TAOK2: variants seen among roughly 807,000 people sequenced by gnomAD.
The protein encoded by TAOK2 is TAO kinase 2.
TAOK2 carries 42 observed loss-of-function variants against 122.5 expected under a neutral mutation model. That is an observed-to-expected ratio of 0.34 (90% CI 0.27 to 0.44). TAOK2 has a LOEUF of 0.44. Among genes scored for constraint, TAOK2 ranks in the 20% least tolerant of loss-of-function variants. TAOK2 has a pLI of 1.00. For synonymous variants in TAOK2, 704 were observed against 677.6 expected (o/e 1.04, Z -0.61); for missense variants, 1,264 against 1,644.9 (o/e 0.77, Z 4.01).
downstream of TAOK2, chr16:29,989,119 G>A: frequency 2.0e-6 from 2 of 985,262 alleles, no homozygotes; most frequent in Non-Finnish European, 2.4e-6. Flanking sequence ...TTTCTTCATG[G>A]GTGTTTTGTG....
intron 1 of TAOK2, 132 bp from the exon 2 acceptor site, chr16:29,977,606 C>T (rs1033837408): frequency 2.3e-6 from 2 of 851,850 alleles, no homozygotes; most frequent in Non-Finnish European, 3.5e-6. Context: ...CCTAATCTCC[C>T]CCTCCCCTTC....
chr16:29,985,849 C>A lies in TAOK2; in HGVS notation c.1980C>A (p.Asp660Glu). Residue 660 changes from aspartate (D) to glutamate (E), a missense_variant, in exon 15 of 16, where the codon GAC becomes GAA. Asp to Glu is a conservative substitution (Grantham distance 45). Coordinates refer to ENST00000308893, the MANE Select transcript of TAOK2 (RefSeq NM_016151.4). The surrounding 1 kb of genome is among the most constrained non-coding windows in gnomAD (Gnocchi z 6.9). ...MLLARHSLDQ[D>E]LLREDLNKKQ... ...TGGCTCGGCACAGCCTGGACCAGGA[C>A]CTGCTGCGGGAGGTAGGCATCCCAA... is the stretch of plus-strand genomic sequence containing the variant. The A allele has an allele frequency of 6.2e-7, 1 of 1,611,482 alleles. No homozygotes were observed. The highest frequency in any genetic ancestry group is 8.5e-7 in the Non-Finnish European group (1 of 1,179,666).
chr16:29,991,315 C>G (rs369537567), downstream of TAOK2: 287 of 1,609,726 alleles, frequency 1.8e-4, no homozygotes, highest in Middle Eastern at 1.0e-3. The surrounding 1 kb of genome is among the most constrained non-coding windows in gnomAD (Gnocchi z 5.6). Context: ...CCCCCTCCAG[C>G]CTGGCGTCAG....
chr16:29,991,350 C>T, downstream of TAOK2: 1 of 1,595,730 alleles, frequency 6.3e-7, no homozygotes, highest in Non-Finnish European at 8.5e-7. This position sits in a 1 kb window ranked among gnomAD's most constrained non-coding sequence, Gnocchi z 5.6. Flanking sequence ...TCCCCCAGGC[C>T]CCCCAAACTG....
At chr16:29,990,860 A>G (rs543384289), downstream of TAOK2, 1 of 1,613,642 alleles carries the variant, frequency 6.2e-7, no homozygotes, top group Non-Finnish European at 8.5e-7. Context: ...GAGCTGCTCA[A>G]CGCTTACCAG....
downstream of TAOK2, chr16:29,988,933 C>T (rs1024668802): frequency 4.1e-6 from 4 of 985,204 alleles, no homozygotes; most frequent in African/African-American, 5.2e-5. Flanking sequence ...AGCTGCTGGC[C>T]GGTTGAACTT....
downstream of TAOK2, chr16:29,988,634 G>A (rs926237516): frequency 4.6e-5 from 45 of 985,332 alleles, no homozygotes; most frequent in Non-Finnish European, 5.4e-5. Context: ...GTCCCACAGA[G>A]CGCCTGTTTG....
chr16:29,974,955 C>T (rs897471409), intron 1 of TAOK2, among the ~76,000 whole-genome samples: 1 of 152,140 alleles, frequency 6.6e-6, no homozygotes, highest in Non-Finnish European at 1.5e-5. Flanking sequence ...CACTTTGCCC[C>T]TCACAGCCAC....
chr16:29,989,686 A>G, downstream of TAOK2: 1 of 1,614,096 alleles, frequency 6.2e-7, no homozygotes, highest in South Asian at 1.1e-5. Context: ...GCTGGAGACC[A>G]CGCCCAAAGC....
downstream of TAOK2, chr16:29,991,335 C>T (rs1156811385): frequency 3.7e-6 from 6 of 1,602,708 alleles, no homozygotes; most frequent in Non-Finnish European, 5.1e-6. This position sits in a 1 kb window ranked among gnomAD's most constrained non-coding sequence, Gnocchi z 5.6. Flanking sequence ...GCCGTCTCTG[C>T]TGGCTCCCCC....
rs567156599 is a variant in TAOK2, at chr16:29,981,788, G to A, written c.749+34G>A. 27 of 1,611,400 alleles carry A rather than the reference G, an allele frequency of 1.7e-5. 1 individual carries two copies. Among genetic ancestry groups the A allele is most frequent in the South Asian group, 9.9e-5 (9 of 91,046 alleles). On this transcript the variant is annotated intron_variant, in intron 9 of 15. Coordinates refer to ENST00000308893, the MANE Select transcript of TAOK2 (RefSeq NM_016151.4). ...TGAGATTCCGAATCTGGGCCCAGGC[G>A]TTAGGCCATGGGGTATGGATGCCTG...
In TAOK2 at chr16:29,987,756, G is replaced by A; in HGVS notation, c.3484G>A (p.Ala1162Thr). 6.2e-7 allele frequency: 1 copy of A among 1,614,018 alleles called. No individual in the cohort carries two copies. Among genetic ancestry groups the A allele is most frequent in the South Asian group, 1.1e-5 (1 of 91,092 alleles). The change falls in exon 16 of 16, where the codon GCA (alanine) becomes ACA (threonine). Residue 1162 changes from alanine (A) to threonine (T), a missense_variant. Coordinates refer to ENST00000308893, the MANE Select transcript of TAOK2 (RefSeq NM_016151.4). ...GTGCAAGGGCTGGAACTGGCGTCTGGCACGGGCCAGCCAGGGTTTAGCATC... is the reference window on the plus strand; with the variant it reads ...GTGCAAGGGCTGGAACTGGCGTCTGACACGGGCCAGCCAGGGTTTAGCATC... ...VLCKGWNWRLARASQGLASHL... is the reference protein window; with the variant it reads ...VLCKGWNWRLTRASQGLASHL...
Position 29,984,140 on chromosome 16 carries a change from G to T in TAOK2, c.1422+476G>T, listed in dbSNP as rs554110440. ...TTCTGTGCCCCAGAGGGCAGGGATG[G>T]TGTTCAGATATCTGTCTCATGCCAG... On this transcript the variant is annotated intron_variant, in intron 13 of 15. Transcript: ENST00000308893. 1.3e-3 allele frequency among the ~76,000 whole-genome samples: 194 copies of T among 152,328 alleles called. 1 individual carries two copies. Among genetic ancestry groups the T allele is most frequent in the African/African-American group, 4.6e-3 (192 of 41,570 alleles).
rs2069744738 is a variant in TAOK2 at position 29,985,178 on chromosome 16, C to T, written c.1423-35C>T. 1 of 1,481,274 alleles carries T rather than the reference C, an allele frequency of 6.8e-7. No homozygotes were observed. The highest frequency in any genetic ancestry group is 9.0e-7 in the Non-Finnish European group (1 of 1,114,600). The allele number at this position is 1,481,274 out of a possible 1,614,324, so 91.8% of individuals were successfully genotyped here. On this transcript the variant is annotated intron_variant, in intron 13 of 15. Coordinates refer to ENST00000308893, the MANE Select transcript of TAOK2 (RefSeq NM_016151.4). The surrounding 1 kb of genome is among the most constrained non-coding windows in gnomAD (Gnocchi z 6.9). ...TTGTGTTAATTAACTAGGGGCCAGG[C>T]TGAGCCCCAGCTCTCACCCTCTCTC... is the stretch of plus-strand genomic sequence containing the variant.
At chr16:29,991,486 C>T, downstream of TAOK2, 1 of 1,481,262 alleles carries the variant, frequency 6.8e-7, no homozygotes, top group Non-Finnish European at 9.0e-7. This position sits in a 1 kb window ranked among gnomAD's most constrained non-coding sequence, Gnocchi z 5.6. Context: ...GGCCCCCCTG[C>T]TGCCGCGGTG....
rs556163083 is a variant in TAOK2, at chr16:29,978,559, G to A, written c.306+206G>A. On this transcript the variant is annotated intron_variant, in intron 4 of 15. Transcript: ENST00000308893. The stretch of plus-strand genomic sequence containing the variant: ...CACAGGCTGTTAGCAGGTGGGACAG[G>A]TCACTGTGGGCTGGAGAAGGTGGAG... Among the ~76,000 whole-genome samples, 5 of 152,288 alleles carry A rather than the reference G, an allele frequency of 3.3e-5. No individual in the cohort carries two copies. The East Asian group carries it at 9.6e-4, about 29-fold the overall frequency.
downstream of TAOK2, chr16:29,989,317 CTT>C (rs2069909650): frequency 4.1e-6 from 4 of 984,780 alleles, no homozygotes; most frequent in African/African-American, 1.7e-5. Flanking sequence ...CTTGGAACCT[CTT>C]GTCTTCTCTG....
Position 29,981,573 on chromosome 16 carries a change from G to T in TAOK2, c.656-88G>T, listed in dbSNP as rs770702539. 8 of 1,214,186 alleles carry T rather than the reference G, an allele frequency of 6.6e-6. No homozygotes were observed. In the Admixed American group the frequency reaches 1.2e-4, roughly 19 times the overall value. 75.2% of individuals were successfully genotyped at this position (1,214,186 alleles called of 1,614,324 possible). A position where few individuals can be genotyped will look rare whatever the true frequency, so the allele number is the denominator to read the frequency against. ...TGTGGCAAGGAAGTCAAGGAATTGG[G>T]GTTTGAACCCAAGTCGTCTCAGTTC... On this transcript the variant is annotated intron_variant, in intron 8 of 15. Transcript: ENST00000308893.
rs2150900343 is a variant in TAOK2 at position 29,985,494 on chromosome 16, C to T, written c.1704C>T (p.Ile568=). The change falls in exon 14 of 16, where the codon ATC becomes ATT. Residue 568 remains isoleucine, a synonymous_variant. Coordinates refer to ENST00000308893, the MANE Select transcript of TAOK2 (RefSeq NM_016151.4). This position sits in a 1 kb window ranked among gnomAD's most constrained non-coding sequence, Gnocchi z 6.9. The part of the protein sequence containing the change: ...QAEERKFQQH[I]LGQQKKELAA... ...AGGAGCGGAAGTTCCAGCAGCACAT[C>T]CTTGGGCAGCAGAAGAAGGAGCTGG... 1.9e-6 allele frequency: 3 copies of T among 1,612,544 alleles called. No homozygotes were observed. Among genetic ancestry groups the T allele is most frequent in the Non-Finnish European group, 2.5e-6 (3 of 1,179,256 alleles).
Sources: allele counts gnomAD v4.1 joint callset (sites outside exome capture counted in the v4.1 genomes callset), GRCh38; gene constraint gnomAD v4.1.1; non-coding constraint Gnocchi (gnomAD v3.1); transcripts MANE v1.5; gene names NCBI Gene and HGNC (gene_info 2026-07-23, HGNC 2026-07-21).